CCDC60: variants seen among roughly 807,000 people sequenced by gnomAD.
CCDC60 encodes coiled-coil domain containing 60.
CCDC60 carries 54 observed loss-of-function variants against 63.5 expected under a neutral mutation model. The ratio of observed to expected loss-of-function variants is 0.85; its 90% confidence interval spans 0.68 to 1.07. The LOEUF (loss-of-function observed/expected upper bound fraction) is 1.07, where lower values mean the gene tolerates loss of function less well. Among genes scored for constraint, CCDC60 ranks in the 50% least tolerant of loss-of-function variants. The probability of loss-of-function intolerance (pLI) is 0.00; values close to 1 mark genes in which losing one functional copy is unlikely to be tolerated. For missense variants in CCDC60, 651 were observed against 684.3 expected, an observed-to-expected ratio of 0.95 and a Z score of 0.54; for synonymous variants, 206 against 238.8, an observed-to-expected ratio of 0.86 and a Z score of 1.27.
intron 13 of CCDC60, among the ~76,000 whole-genome samples, 198 bp from the exon 14 acceptor site, chr12:119,540,416 G>A (rs1248047674): frequency 6.6e-6 from 1 of 152,170 alleles, no homozygotes; most frequent in African/African-American, 2.4e-5. Flanking sequence ...TTAGCCTGCT[G>A]AGCCAGGAAG....
intron 1 of CCDC60, among the ~76,000 whole-genome samples, chr12:119,336,007 C>G (rs1381718974): frequency 4.1e-5 from 6 of 147,604 alleles, no homozygotes; most frequent in Non-Finnish European, 8.9e-5. Flanking sequence ...AAAAACCAAA[C>G]ACCGCATATT....
chr12:119,527,688 T>TTTTA, intron 11 of CCDC60, among the ~76,000 whole-genome samples: 1 of 140,140 alleles, frequency 7.1e-6, no homozygotes, highest in Non-Finnish European at 1.6e-5. Context: ...TTTTTTTTTT[T>TTTTA]TTTATTGAGA....
At chr12:119,506,554 C>T (rs1158435672) in intron 7 of CCDC60, among the ~76,000 whole-genome samples, 1 of 151,292 alleles carries the variant, frequency 6.6e-6, no homozygotes, top group Admixed American at 6.6e-5. Context: ...TAGGGGCTGA[C>T]GTGAGCTGTG....
intron 1 of CCDC60, among the ~76,000 whole-genome samples, chr12:119,416,239 C>T (rs903613985): frequency 9.9e-5 from 15 of 151,944 alleles, no homozygotes; most frequent in African/African-American, 3.4e-4. Flanking sequence ...ATTAGCCGGG[C>T]GAGGTGTTGC....
chr12:119,346,617 A>T (rs867610660), intron 1 of CCDC60, among the ~76,000 whole-genome samples: 2 of 152,314 alleles, frequency 1.3e-5, no homozygotes, highest in Middle Eastern at 3.4e-3. Flanking sequence ...AGGCAATGCA[A>T]ACAAGAATGT....
chr12:119,376,684 T>C (rs1341210771), intron 1 of CCDC60, among the ~76,000 whole-genome samples: 1 of 152,120 alleles, frequency 6.6e-6, no homozygotes, highest in Non-Finnish European at 1.5e-5. Context: ...TACACAGTGG[T>C]AATCTCAGGA....
intron 2 of CCDC60, among the ~76,000 whole-genome samples, chr12:119,469,475 G>T (rs1306766325): frequency 2.0e-5 from 3 of 152,128 alleles, no homozygotes; most frequent in African/African-American, 7.2e-5. Context: ...GGCCAGGCTG[G>T]TCTCAAACTC....
intron 2 of CCDC60, among the ~76,000 whole-genome samples, chr12:119,450,550 G>A (rs895437445): frequency 6.6e-6 from 1 of 152,112 alleles, no homozygotes; most frequent in Non-Finnish European, 1.5e-5. Context: ...GGTATTGCTA[G>A]AGCATCAAGA....
intron 1 of CCDC60, among the ~76,000 whole-genome samples, chr12:119,381,162 G>A (rs1256696091): frequency 6.6e-6 from 1 of 152,154 alleles, no homozygotes; most frequent in Non-Finnish European, 1.5e-5. Context: ...AATTAACAGG[G>A]ACTTTTGTTT....
chr12:119,406,875 G>A (rs1000572521), intron 1 of CCDC60, among the ~76,000 whole-genome samples: 3 of 152,180 alleles, frequency 2.0e-5, no homozygotes, highest in African/African-American at 7.2e-5. Context: ...CTGAGACATG[G>A]TGACAGGCAT....
At chr12:119,437,641 C>T (rs784858) in intron 2 of CCDC60, among the ~76,000 whole-genome samples, 98,128 of 151,988 alleles carry the variant, frequency 0.65, 32,011 homozygotes, top group East Asian at 0.84. Context: ...ATTTACTGAC[C>T]GCTCTCAGTC....
intron 1 of CCDC60, among the ~76,000 whole-genome samples, chr12:119,406,540 C>T (rs907876810): frequency 1.3e-5 from 2 of 152,118 alleles, no homozygotes; most frequent in Non-Finnish European, 2.9e-5. Flanking sequence ...AGGTCATACT[C>T]CTCGCATACA....
chr12:119,443,688 C>T (rs185182740), intron 2 of CCDC60, among the ~76,000 whole-genome samples: 1 of 152,226 alleles, frequency 6.6e-6, no homozygotes, highest in East Asian at 1.9e-4. Context: ...TGTATGAAAA[C>T]AAAAACTGTC....
At chr12:119,357,168 T>C (rs1334801935) in intron 1 of CCDC60, among the ~76,000 whole-genome samples, 1 of 152,242 alleles carries the variant, frequency 6.6e-6, no homozygotes, top group Admixed American at 6.5e-5. Context: ...TTTTGTTATA[T>C]GCATAGTATG....
At chr12:119,343,308 C>A (rs1202524109) in intron 1 of CCDC60, among the ~76,000 whole-genome samples, 1 of 152,096 alleles carries the variant, frequency 6.6e-6, no homozygotes. Context: ...CCGCGTCTGG[C>A]AATCGGCTTG....
At chr12:119,360,650 GA>G (rs1189390068) in intron 1 of CCDC60, among the ~76,000 whole-genome samples, 1 of 151,840 alleles carries the variant, frequency 6.6e-6, no homozygotes, top group African/African-American at 2.4e-5. Flanking sequence ...CATCCCAGAC[GA>G]TGGGCGGCGG....
At chr12:119,440,952 G>A (rs549646252) in intron 2 of CCDC60, among the ~76,000 whole-genome samples, 30 of 83,598 alleles carry the variant, frequency 3.6e-4, no homozygotes, top group East Asian at 2.8e-3. Flanking sequence ...TCTGACACAC[G>A]GTAAGTGCTT....
At chr12:119,502,433 G>A (rs544400934) in intron 6 of CCDC60, among the ~76,000 whole-genome samples, 1 of 152,128 alleles carries the variant, frequency 6.6e-6, no homozygotes, top group Non-Finnish European at 1.5e-5. Flanking sequence ...ATAGCAACTG[G>A]TTAACACAAC....
chr12:119,410,550 A>T lies in CCDC60; in HGVS notation c.91-18133A>T, dbSNP rs1015231557. ...GCCTCGTGACATCAGGAAAACCTTC[A>T]TCACCACACCCCAATACACACACAC... On this transcript the variant is annotated intron_variant, in intron 1 of 13. Transcript: ENST00000327554. The surrounding 1 kb of genome is among the most constrained non-coding windows in gnomAD (Gnocchi z 4.0). Among the ~76,000 whole-genome samples, 1 of 152,052 alleles carries T rather than the reference A, an allele frequency of 6.6e-6. No individual in the cohort carries two copies. Among genetic ancestry groups the T allele is most frequent in the South Asian group, 2.1e-4 (1 of 4,806 alleles).
Sources: gnomAD v4.1 joint callset for allele counts (sites outside exome capture counted in the v4.1 genomes callset) on GRCh38, gnomAD v4.1.1 for gene constraint, Gnocchi (gnomAD v3.1) non-coding constraint, MANE v1.5 for transcripts, NCBI Gene and HGNC (gene_info 2026-07-23, HGNC 2026-07-21) for gene names.